Variants in ABCB8 observed in about 807,000 individuals in gnomAD.
The protein encoded by ABCB8 is mitochondrial potassium channel ATP-binding subunit.
In ABCB8, 52 loss-of-function variants were observed where a neutral mutation model predicts 73.0. That is an observed-to-expected ratio of 0.71 (90% confidence interval 0.57 to 0.90). The LOEUF is 0.90. Among genes scored for constraint, ABCB8 ranks in the 40% least tolerant of loss-of-function variants. The pLI is 0.00. For synonymous variants in ABCB8, 428 were observed against 423.5 expected, an observed-to-expected ratio of 1.01 and a Z score of -0.13; for missense variants, 909 against 974.6, an observed-to-expected ratio of 0.93 and a Z score of 0.90.
At chr7:151,040,473 G>A in intron 10 of ABCB8, 25 bp from the exon 11 acceptor site, 9 of 1,599,118 alleles carry the variant, frequency 5.6e-6, no homozygotes, top group Non-Finnish European at 7.7e-6. Flanking sequence ...CTGCCTCCCT[G>A]CGGACTTTGG....
intron 5 of ABCB8, 102 bp downstream of exon 5, chr7:151,034,931 G>T (rs1419002204): frequency 8.6e-6 from 9 of 1,048,388 alleles, no homozygotes; most frequent in Non-Finnish European, 1.3e-5. Flanking sequence ...GGGCTGACAG[G>T]CGCATGCTGA....
intron 9 of ABCB8, chr7:151,037,376 C>A (rs1796338684): frequency 1.4e-6 from 1 of 700,986 alleles, no homozygotes; most frequent in Admixed American, 2.0e-5. Context: ...GACAAGCTGA[C>A]CCCTGTCCCC....
intron 9 of ABCB8, chr7:151,036,860 G>A: frequency 1.3e-6 from 1 of 757,474 alleles, no homozygotes; most frequent in Non-Finnish European, 2.4e-6. Context: ...CGCTGCAGCA[G>A]GCAGGTGCTT....
Position 151,040,528 on chromosome 7 carries a change from G to C in ABCB8, c.1282G>C (p.Val428Leu). ...CCGGGGGCTGAGTGCAGGTGCCCGG[G>C]TCTTTGAGTACATGGCCCTGAACCC... ...VVRGLSAGAR[V>L]FEYMALNPCI... The change falls in exon 11 of 16, where the codon GTC becomes CTC. Residue 428 changes from valine to leucine, a missense_variant. Coordinates refer to ENST00000358849, the MANE Select transcript of ABCB8 (RefSeq NM_007188.5). 1 of 1,613,106 alleles carries C rather than the reference G, an allele frequency of 6.2e-7. No individual in the cohort carries two copies. Among genetic ancestry groups the C allele is most frequent in the Non-Finnish European group, 8.5e-7 (1 of 1,179,614 alleles).
intron 9 of ABCB8, chr7:151,037,217 TG>T (rs1199052931): frequency 1.4e-6 from 1 of 703,084 alleles, no homozygotes; most frequent in South Asian, 1.5e-5. Flanking sequence ...GACTGCGTTT[TG>T]TCACTCCACA....
chr7:151,029,931 C>T (rs1248506601), intron 1 of ABCB8, among the ~76,000 whole-genome samples: 1 of 152,172 alleles, frequency 6.6e-6, no homozygotes, highest in Admixed American at 6.5e-5. Context: ...AGAGCTGGAT[C>T]GAGCTGGAGC....
In ABCB8 at chr7:151,040,611, T is replaced by TAG; in HGVS notation, c.1366_1367insGA (p.Thr456ArgfsTer19). On this transcript the variant is annotated frameshift_variant, in exon 11 of 16. Coordinates refer to ENST00000358849, the MANE Select transcript of ABCB8 (RefSeq NM_007188.5). LOFTEE classifies it high-confidence loss of function. ...CCAAAGAGCAGCTGCGTGGCTCCGT[T>TAG]ACATTTCAGAACGTCTGCTTCAGGT... is the stretch of plus-strand genomic sequence containing the variant. The TAG allele has an allele frequency of 6.2e-7, 1 of 1,613,010 alleles. No homozygotes were observed. Among genetic ancestry groups the TAG allele is most frequent in the African/African-American group, 1.3e-5 (1 of 75,046 alleles).
At chr7:151,040,750 A>G in intron 11 of ABCB8, 78 bp from the exon 12 acceptor site, 1 of 1,602,126 alleles carries the variant, frequency 6.2e-7, no homozygotes, top group Non-Finnish European at 8.5e-7. Context: ...TCAGAGGGCT[A>G]CAGGGAGACT....
rs1483279442 is a variant in ABCB8 at position 151,040,264 on chromosome 7, A to T, written c.1218-4A>T. 6.2e-7 allele frequency: 1 copy of T among 1,609,260 alleles called. No homozygotes were observed. Among genetic ancestry groups the T allele is most frequent in the South Asian group, 1.1e-5 (1 of 90,254 alleles). On this transcript the variant is annotated splice_region_variant and splice_polypyrimidine_tract_variant and intron_variant, in intron 9 of 15. Transcript: ENST00000358849. ...ATTCCACCCCTCTCTCCTTTTTCTG[A>T]CAGGTCCATGGCCAACCTCTCTGTC...
chr7:151,041,254 C>A, intron 13 of ABCB8, 22 bp downstream of exon 13: 1 of 1,584,780 alleles, frequency 6.3e-7, no homozygotes, highest in African/African-American at 1.3e-5. Context: ...CATGGGCAGC[C>A]CTTGGCTCCC....
Position 151,034,300 on chromosome 7 carries a change from G to A in ABCB8, c.436G>A (p.Val146Ile), listed in dbSNP as rs199847677. ...VLALGAALVN[V>I]QIPLLLGQLV... ...GGCCTTGGGTGCGGCACTCGTGAAT[G>A]TACAGATCCCCCTGCTCCTGGGCCA... Residue 146 changes from valine (V) to isoleucine (I), a missense_variant, in exon 3 of 16, where the codon GTA becomes ATA. Coordinates refer to ENST00000358849, the MANE Select transcript of ABCB8 (RefSeq NM_007188.5). 6.8e-6 allele frequency: 11 copies of A among 1,613,626 alleles called. No individual in the cohort carries two copies. In the East Asian group the frequency reaches 1.3e-4, roughly 20 times the overall value.
rs951148869 is a variant in ABCB8, at chr7:151,036,182, A to G, written c.1111+12A>G. The G allele has an allele frequency of 3.8e-6, 6 of 1,596,008 alleles. No individual in the cohort carries two copies. The highest frequency in any genetic ancestry group is 5.1e-6 in the Non-Finnish European group (6 of 1,167,470). On this transcript the variant is annotated intron_variant, in intron 8 of 15. Transcript: ENST00000358849. ...CATCGCCTTCAACTGTGAGTGAGCC[A>G]TTTGGGGGCTGGAGGGGCGCTTGTG...
intron 9 of ABCB8, chr7:151,036,854 G>C: frequency 1.3e-6 from 1 of 757,370 alleles, no homozygotes; most frequent in Non-Finnish European, 2.4e-6. Flanking sequence ...CAGTGGCGCT[G>C]CAGCAGGCAG....
Position 151,034,863 on chromosome 7 carries a change from C to T in ABCB8, c.765+34C>T, listed in dbSNP as rs771740278. ...CCCAGTGGCCCCCACCACGTCCACA[C>T]ACACACTTTCCCATGTGGATTCACC... On this transcript the variant is annotated intron_variant, in intron 5 of 15. Coordinates refer to ENST00000358849, the MANE Select transcript of ABCB8 (RefSeq NM_007188.5). 4 of 1,562,858 alleles carry T rather than the reference C, an allele frequency of 2.6e-6. No individual in the cohort carries two copies. The African/African-American group carries it at 5.4e-5, about 21-fold the overall frequency.
intron 15 of ABCB8, among the ~76,000 whole-genome samples, chr7:151,044,832 C>T (rs371434968): frequency 6.6e-6 from 1 of 152,252 alleles, no homozygotes; most frequent in South Asian, 2.1e-4. Context: ...GGAGAAGCAG[C>T]GCCAAGGAAC....
chr7:151,034,896 C>A, intron 5 of ABCB8, 67 bp downstream of exon 5: 1 of 1,401,250 alleles, frequency 7.1e-7, no homozygotes, highest in Non-Finnish European at 9.9e-7. Flanking sequence ...ACCAGGCCAG[C>A]CCTGCCCGCC....
At position 151,041,110 on chromosome 7, in the gene ABCB8, G is replaced by A. The variant is rs750876009; in HGVS notation, c.1495G>A (p.Val499Met). The A allele has an allele frequency of 1.1e-5, 18 of 1,613,470 alleles. No homozygotes were observed. Among genetic ancestry groups the A allele is most frequent in the African/African-American group, 4.0e-5 (3 of 74,926 alleles). Residue 499 changes from valine to methionine, a missense_variant, in exon 13 of 16, where the codon GTG becomes ATG. By Grantham distance (21) the Val-to-Met change is conservative. Coordinates refer to ENST00000358849, the MANE Select transcript of ABCB8 (RefSeq NM_007188.5). Reference protein sequence around the residue: ...VGQSGGGKTTVASLLERFYDP... With the variant: ...VGQSGGGKTTMASLLERFYDP... ...ACCCAATTCCCCAGGAAAGACCACC[G>A]TGGCTTCCCTGCTGGAGCGCTTCTA...
intron 3 of ABCB8, 34 bp from the exon 4 acceptor site, chr7:151,034,471 G>A (rs777209111): frequency 1.3e-5 from 21 of 1,613,584 alleles, no homozygotes; most frequent in Middle Eastern, 1.6e-4. Context: ...GGAGCCACCC[G>A]AGGCATCCCT....
At chr7:151,034,131 A>T in intron 2 of ABCB8, 142 bp from the exon 3 acceptor site, 3 of 1,152,032 alleles carry the variant, frequency 2.6e-6, no homozygotes, top group Non-Finnish European at 3.6e-6. Context: ...TCTGAGAGGC[A>T]CTGATGTGTC....
Sources: gnomAD v4.1 joint callset for allele counts (sites outside exome capture counted in the v4.1 genomes callset) on GRCh38, gnomAD v4.1.1 for gene constraint, MANE v1.5 for transcripts, NCBI Gene and HGNC (gene_info 2026-07-23, HGNC 2026-07-21) for gene names.